WWTR1: variants seen among roughly 807,000 people sequenced by gnomAD.
WWTR1 encodes the protein WW domain-containing transcription regulator protein 1.
WWTR1 carries 13 observed loss-of-function variants against 40.1 expected under a neutral mutation model. The observed-to-expected ratio is 0.32, with a 90% CI of 0.21 to 0.52. WWTR1 has a LOEUF of 0.52. Ranked by LOEUF, WWTR1 falls within the 20% of genes least tolerant of loss-of-function variation. The pLI is 0.97. For synonymous variants in WWTR1, 230 were observed against 210.1 expected (o/e 1.09, Z -0.82); for missense variants, 436 against 523.1 (o/e 0.83, Z 1.63).
At position 149,558,304 on chromosome 3, in the gene WWTR1, G is replaced by A. The variant is rs1270054315; in HGVS notation, c.568+14560C>T. Among the ~76,000 whole-genome samples, 6 of 152,042 alleles carry A rather than the reference G, an allele frequency of 3.9e-5. No individual in the cohort carries two copies. In the East Asian group the frequency reaches 9.6e-4, roughly 24 times the overall value. On this transcript the variant is annotated intron_variant, in intron 3 of 6. Transcript: ENST00000360632. Reference sequence around the variant, plus strand: ...AATAAATTAAAAAAAAAACCTACCTGTGTGTATATAGCTGCACAGATATAT... The same window carrying A: ...AATAAATTAAAAAAAAAACCTACCTATGTGTATATAGCTGCACAGATATAT...
intron 2 of WWTR1, among the ~76,000 whole-genome samples, chr3:149,580,457 G>A (rs1404365678): frequency 6.6e-6 from 1 of 152,128 alleles, no homozygotes; most frequent in Non-Finnish European, 1.5e-5. Context: ...CCCATTGCAG[G>A]AGAAACCCCA....
At chr3:149,540,115 C>G (rs1402838977) in intron 4 of WWTR1, 5 of 437,386 alleles carry the variant, frequency 1.1e-5, no homozygotes, top group Non-Finnish European at 2.3e-5. Context: ...CACACACACA[C>G]ACACACACAG....
chr3:149,629,334 C>T (rs1020291436), intron 2 of WWTR1, among the ~76,000 whole-genome samples: 6 of 152,096 alleles, frequency 3.9e-5, no homozygotes, highest in African/African-American at 1.4e-4. Flanking sequence ...ATTGTATTTT[C>T]CACCTATTCA....
intron 2 of WWTR1, among the ~76,000 whole-genome samples, chr3:149,632,231 AATTTATTTACTT>A (rs1431626453): frequency 6.6e-6 from 1 of 152,138 alleles, no homozygotes; most frequent in Admixed American, 6.6e-5. Flanking sequence ...TACTTTTTAA[AATTTATTTACTT>A]ATTTATTTTT....
intron 2 of WWTR1, among the ~76,000 whole-genome samples, chr3:149,622,744 G>T (rs1295802711): frequency 1.2e-4 from 19 of 152,048 alleles, no homozygotes; most frequent in Non-Finnish European, 1.0e-4. Context: ...CAGAAAATCA[G>T]CCAGGCACAG....
At chr3:149,677,606 C>T (rs1056882081) in intron 1 of WWTR1, among the ~76,000 whole-genome samples, 2 of 152,074 alleles carry the variant, frequency 1.3e-5, no homozygotes, top group African/African-American at 2.4e-5. Context: ...TTTGGGAGGC[C>T]GAGACGGGTG....
chr3:149,620,938 T>C (rs896155989), intron 2 of WWTR1, among the ~76,000 whole-genome samples: 30 of 152,334 alleles, frequency 2.0e-4, no homozygotes, highest in African/African-American at 6.5e-4. Context: ...GTGGAGAGAA[T>C]GCAAACAAAC....
intron 3 of WWTR1, among the ~76,000 whole-genome samples, chr3:149,570,585 A>G (rs1402447435): frequency 6.7e-6 from 1 of 149,996 alleles, no homozygotes; most frequent in Admixed American, 6.7e-5. Context: ...TAATAATAAT[A>G]ATAATAATAA....
chr3:149,586,086 T>C (rs979251904), intron 2 of WWTR1, among the ~76,000 whole-genome samples: 3 of 152,224 alleles, frequency 2.0e-5, no homozygotes, highest in African/African-American at 7.2e-5. Flanking sequence ...TACAAAAATA[T>C]GTACCTGTTT....
At chr3:149,561,663 G>A (rs1331464382) in intron 3 of WWTR1, among the ~76,000 whole-genome samples, 1 of 152,208 alleles carries the variant, frequency 6.6e-6, no homozygotes, top group Non-Finnish European at 1.5e-5. Context: ...CACAGGACTG[G>A]TTAAACCAAG....
At chr3:149,542,907 T>C (rs138297255) in intron 3 of WWTR1, among the ~76,000 whole-genome samples, 44 of 152,020 alleles carry the variant, frequency 2.9e-4, no homozygotes, top group African/African-American at 8.5e-4. Flanking sequence ...TGTGTGTGCA[T>C]GTGTATACTT....
intron 1 of WWTR1, among the ~76,000 whole-genome samples, chr3:149,675,814 G>T (rs6763308): frequency 0.66 from 100,524 of 151,762 alleles, 33,481 homozygotes; most frequent in Middle Eastern, 0.72. Flanking sequence ...CCTCCCAGGG[G>T]TCACGCCATT....
Position 149,527,942 on chromosome 3 carries a change from T to C in WWTR1, c.799A>G (p.Met267Val), listed in dbSNP as rs762463839. 2.5e-6 allele frequency: 4 copies of C among 1,614,074 alleles called. No individual in the cohort carries two copies. Among genetic ancestry groups the C allele is most frequent in the South Asian group, 1.1e-5 (1 of 91,068 alleles). ...QEAALCRQLPMEAETLAPVQA... is the reference protein window; with the variant it reads ...QEAALCRQLPVEAETLAPVQA... ...ACTGGGGCAAGAGTCTCAGCTTCCA[T>C]GGGGAGCTGTCGACAGAGGGCAGCT... The change falls in exon 5 of 7, where the codon ATG becomes GTG. Residue 267 changes from methionine to valine, a missense_variant. By Grantham distance (21) the Met-to-Val change is conservative (BLOSUM62 1). Coordinates refer to ENST00000360632, the MANE Select transcript of WWTR1 (RefSeq NM_015472.6).
chr3:149,628,593 G>A (rs963337279), intron 2 of WWTR1, among the ~76,000 whole-genome samples: 1 of 152,106 alleles, frequency 6.6e-6, no homozygotes, highest in Non-Finnish European at 1.5e-5. Flanking sequence ...CTTGTCCGCA[G>A]GATAGACTAG....
upstream of WWTR1, chr3:149,658,830 A>T (rs1284663166): frequency 1.3e-5 from 2 of 151,384 alleles, no homozygotes; most frequent in Admixed American, 1.3e-4. Flanking sequence ...GAGCAATTGC[A>T]CCCCCCTCCC....
chr3:149,666,188 A>T (rs899633324), intron 2 of WWTR1, among the ~76,000 whole-genome samples: 7 of 149,502 alleles, frequency 4.7e-5, no homozygotes, highest in African/African-American at 1.7e-4. Context: ...ACAAGAGTCA[A>T]GTATATATGG....
intron 2 of WWTR1, among the ~76,000 whole-genome samples, chr3:149,635,360 C>A (rs1668078358): frequency 6.6e-6 from 1 of 151,924 alleles, no homozygotes; most frequent in South Asian, 2.1e-4. Flanking sequence ...CATTACAGTC[C>A]CATTACTAGG....
intron 1 of WWTR1, among the ~76,000 whole-genome samples, chr3:149,693,500 C>G (rs1714887739): frequency 6.6e-6 from 1 of 152,020 alleles, no homozygotes; most frequent in South Asian, 2.1e-4. Flanking sequence ...TATATGGAAC[C>G]ACCAAAGACC....
upstream of WWTR1, chr3:149,658,081 A>G (rs555218516): frequency 6.6e-6 from 1 of 152,638 alleles, no homozygotes; most frequent in East Asian, 1.9e-4. Context: ...GGCGGGCCCG[A>G]AAGTTGAGCT....
Sources: allele counts gnomAD v4.1 joint callset (sites outside exome capture counted in the v4.1 genomes callset), GRCh38; gene constraint gnomAD v4.1.1; transcripts MANE v1.5; gene names NCBI Gene and HGNC (gene_info 2026-07-23, HGNC 2026-07-21).